NRXN3: variants seen among roughly 807,000 people sequenced by gnomAD.
The protein encoded by NRXN3 is neurexin 3.
A neutral mutation model predicts 137.6 loss-of-function variants in NRXN3; 32 were observed. That is an observed-to-expected ratio of 0.23 (90% confidence interval 0.18 to 0.31). The LOEUF (loss-of-function observed/expected upper bound fraction) is 0.31. Among genes scored for constraint, NRXN3 ranks in the 10% least tolerant of loss-of-function variants. The pLI, the probability that NRXN3 is intolerant of heterozygous loss-of-function variation, is 1.00. For synonymous variants in NRXN3, 798 were observed against 784.5 expected, an observed-to-expected ratio of 1.02 and a Z score of -0.29; for missense variants, 1,574 against 2,062.5, an observed-to-expected ratio of 0.76 and a Z score of 4.59.
chr14:78,219,183 C>T (rs999835129), intron 1 of NRXN3, among the ~76,000 whole-genome samples: 6 of 152,204 alleles, frequency 3.9e-5, no homozygotes, highest in Non-Finnish European at 7.4e-5. Flanking sequence ...CAGCCCCCAA[C>T]AATTCCTGTC....
chr14:79,325,847 T>C (rs1216924541), intron 15 of NRXN3, among the ~76,000 whole-genome samples: 1 of 152,154 alleles, frequency 6.6e-6, no homozygotes, highest in Non-Finnish European at 1.5e-5. Flanking sequence ...ATCTTGTCTG[T>C]TAGAAGACAG....
At chr14:78,473,951 TG>T (rs2095332013) in intron 4 of NRXN3, among the ~76,000 whole-genome samples, 1 of 152,176 alleles carries the variant, frequency 6.6e-6, no homozygotes, top group Non-Finnish European at 1.5e-5. Flanking sequence ...TTACCTACCC[TG>T]GGATGTCACA....
At chr14:79,519,419 C>G (rs948095718) in intron 16 of NRXN3, among the ~76,000 whole-genome samples, 1 of 151,862 alleles carries the variant, frequency 6.6e-6, no homozygotes, top group African/African-American at 2.4e-5. Flanking sequence ...TTCTCCTTTT[C>G]CCTATATGAA....
At chr14:78,678,556 G>A (rs2098036002) in intron 6 of NRXN3, among the ~76,000 whole-genome samples, 1 of 152,002 alleles carries the variant, frequency 6.6e-6, no homozygotes, top group South Asian at 2.1e-4. Context: ...ACTTTACTAG[G>A]TATTGCCAAA....
At chr14:78,646,238 C>G (rs887060742) in intron 5 of NRXN3, among the ~76,000 whole-genome samples, 1 of 152,198 alleles carries the variant, frequency 6.6e-6, no homozygotes, top group African/African-American at 2.4e-5. Flanking sequence ...TTTTCAATTT[C>G]ATGACTAATA....
chr14:78,332,318 C>CT (rs5809877), intron 4 of NRXN3, among the ~76,000 whole-genome samples: 6 of 124,682 alleles, frequency 4.8e-5, no homozygotes, highest in Admixed American at 2.4e-4. Context: ...TTTTCTTCTT[C>CT]TTTTTTTTTT....
intron 19 of NRXN3, among the ~76,000 whole-genome samples, chr14:79,768,413 C>T (rs2099063965): frequency 6.6e-6 from 1 of 152,222 alleles, no homozygotes; most frequent in South Asian, 2.1e-4. Flanking sequence ...TCCCAGCACG[C>T]AGCTGGAGAT....
At chr14:79,427,950 A>G (rs1391786488) in intron 15 of NRXN3, among the ~76,000 whole-genome samples, 3 of 152,148 alleles carry the variant, frequency 2.0e-5, no homozygotes, top group Non-Finnish European at 4.4e-5. Context: ...GAGAGAGAGT[A>G]ATAAGATCGA....
At chr14:79,617,062 A>T (rs2098164964) in intron 16 of NRXN3, among the ~76,000 whole-genome samples, 1 of 152,046 alleles carries the variant, frequency 6.6e-6, no homozygotes, top group African/African-American at 2.4e-5. Flanking sequence ...GATCCGTCCC[A>T]CTTAACCCTG....
At chr14:78,326,405 G>A (rs1168184485) in intron 4 of NRXN3, among the ~76,000 whole-genome samples, 2 of 152,174 alleles carry the variant, frequency 1.3e-5, no homozygotes, top group Non-Finnish European at 2.9e-5. Flanking sequence ...TGAAAAGAAT[G>A]AGCTGAAACA....
intron 4 of NRXN3, among the ~76,000 whole-genome samples, chr14:78,397,013 G>T (rs1388301264): frequency 6.6e-6 from 1 of 152,074 alleles, no homozygotes; most frequent in Non-Finnish European, 1.5e-5. Context: ...CTACCCTTAT[G>T]ACCTCATTTA....
intron 15 of NRXN3, among the ~76,000 whole-genome samples, chr14:79,292,886 G>A (rs2083434489): frequency 6.6e-6 from 1 of 152,188 alleles, no homozygotes; most frequent in South Asian, 2.1e-4. Context: ...GACGTAGGGA[G>A]GTTTCAGTAC....
intron 15 of NRXN3, among the ~76,000 whole-genome samples, chr14:79,440,068 ACCTT>A (rs997992356): frequency 2.6e-5 from 4 of 152,216 alleles, no homozygotes; most frequent in Non-Finnish European, 5.9e-5. Context: ...CTAAAAACAA[ACCTT>A]TCATAAAATA....
rs574412544 is a variant in NRXN3, at chr14:79,144,167, C to T, written c.3262+156026C>T. On this transcript the variant is annotated intron_variant, in intron 15 of 20. Coordinates refer to ENST00000335750, the MANE Select transcript of NRXN3 (RefSeq NM_001330195.2). ...GCATCCCCTCAGACAAAATCTAGCCCTGATAATACGTATTTGGACAACATA... is the reference window on the plus strand; with the variant it reads ...GCATCCCCTCAGACAAAATCTAGCCTTGATAATACGTATTTGGACAACATA... Among the ~76,000 whole-genome samples, 6 of 152,270 alleles carry T rather than the reference C, an allele frequency of 3.9e-5. No individual in the cohort carries two copies. The South Asian group carries it at 1.2e-3, about 32-fold the overall frequency.
intron 6 of NRXN3, among the ~76,000 whole-genome samples, chr14:78,696,055 T>C (rs1210328196): frequency 6.6e-6 from 1 of 152,078 alleles, no homozygotes; most frequent in Non-Finnish European, 1.5e-5. Flanking sequence ...CCATGCCTAC[T>C]TGAGTGTAAT....
intron 20 of NRXN3, among the ~76,000 whole-genome samples, chr14:79,808,552 T>C (rs1403148944): frequency 6.6e-6 from 1 of 152,080 alleles, no homozygotes. Flanking sequence ...TTGATGGAAA[T>C]ACACTAAATT....
At chr14:79,117,500 G>C (rs2054644167) in intron 15 of NRXN3, among the ~76,000 whole-genome samples, 1 of 152,120 alleles carries the variant, frequency 6.6e-6, no homozygotes, top group Admixed American at 6.5e-5. Flanking sequence ...ATCACTAGCT[G>C]TCCCTAAAGG....
At chr14:78,750,215 T>C (rs1055317746) in intron 8 of NRXN3, among the ~76,000 whole-genome samples, 1 of 152,206 alleles carries the variant, frequency 6.6e-6, no homozygotes, top group African/African-American at 2.4e-5. Context: ...GAAGGCCAGG[T>C]TTGAGAACAG....
chr14:79,739,225 A>G (rs1290419813), intron 19 of NRXN3, among the ~76,000 whole-genome samples: 1 of 152,220 alleles, frequency 6.6e-6, no homozygotes, highest in African/African-American at 2.4e-5. Context: ...ATCCAAAGTC[A>G]TAGCCTGGAG....
Sources: allele counts gnomAD v4.1 joint callset (sites outside exome capture counted in the v4.1 genomes callset), GRCh38; gene constraint gnomAD v4.1.1; transcripts MANE v1.5; gene names NCBI Gene and HGNC (gene_info 2026-07-23, HGNC 2026-07-21).